Variants in EPHB4 observed in about 807,000 individuals in gnomAD.
EPHB4 encodes EPH receptor B4, also known as ephrin type-B receptor 4.
A neutral mutation model predicts 110.6 loss-of-function variants in EPHB4; 50 were observed. That is an observed-to-expected ratio of 0.45 (90% CI 0.36 to 0.57). EPHB4 has a LOEUF of 0.57. Among genes scored for constraint, EPHB4 ranks in the 20% least tolerant of loss-of-function variants. EPHB4 has a pLI of 0.00. For synonymous variants in EPHB4, 592 were observed against 578.4 expected, an observed-to-expected ratio of 1.02 and a Z score of -0.34; for missense variants, 1,128 against 1,382.1, an observed-to-expected ratio of 0.82 and a Z score of 2.91.
At chr7:100,810,948 T>C (rs996962570) in intron 12 of EPHB4, among the ~76,000 whole-genome samples, 2 of 151,702 alleles carry the variant, frequency 1.3e-5, no homozygotes, top group Non-Finnish European at 2.9e-5. Flanking sequence ...AATGTTTTGA[T>C]TTTTTTAAAA....
At chr7:100,813,609 C>T (rs200154185) in intron 10 of EPHB4, 43 bp downstream of exon 10, 1 of 1,608,308 alleles carries the variant, frequency 6.2e-7, no homozygotes, top group Non-Finnish European at 8.5e-7. Flanking sequence ...AGCCACCACA[C>T]CCGGCCCCAA....
At chr7:100,809,598 C>T (rs1812886648) in intron 12 of EPHB4, among the ~76,000 whole-genome samples, 1 of 152,158 alleles carries the variant, frequency 6.6e-6, no homozygotes, top group Non-Finnish European at 1.5e-5. Flanking sequence ...ACTACAGCCT[C>T]GATCTCCCAG....
intron 1 of EPHB4, chr7:100,824,549 C>T (rs974865450): frequency 5.3e-5 from 23 of 431,708 alleles, no homozygotes; most frequent in East Asian, 8.2e-5. Flanking sequence ...TCAAAATGTA[C>T]GGGGAGAAGG....
At chr7:100,803,647 C>G in intron 16 of EPHB4, 57 bp from the exon 17 acceptor site, 1 of 1,534,794 alleles carries the variant, frequency 6.5e-7, no homozygotes, top group Non-Finnish European at 8.8e-7. Flanking sequence ...CCGCTCTCCT[C>G]TCTTGGCTCC....
chr7:100,804,308 CTTTTT>C (rs11338293), intron 16 of EPHB4, among the ~76,000 whole-genome samples: 18 of 71,614 alleles, frequency 2.5e-4, no homozygotes, highest in Admixed American at 4.3e-4. Context: ...CTTCACATTT[CTTTTT>C]TTTTTTTTTT....
intron 4 of EPHB4, among the ~76,000 whole-genome samples, chr7:100,820,741 G>T (rs996323922): frequency 5.3e-5 from 8 of 152,168 alleles, no homozygotes; most frequent in Non-Finnish European, 8.8e-5. Context: ...GAGGAAAAAA[G>T]TTTGGGCTAC....
intron 4 of EPHB4, 124 bp from the exon 5 acceptor site, chr7:100,820,420 A>C (rs935978266): frequency 8.2e-7 from 1 of 1,220,090 alleles, no homozygotes; most frequent in Non-Finnish European, 1.1e-6. Flanking sequence ...CGCTTGAGCC[A>C]AGGGGTTCAA....
At chr7:100,819,300 A>AGAT (rs66759831) in intron 6 of EPHB4, among the ~76,000 whole-genome samples, 2 of 29,638 alleles carry the variant, frequency 6.7e-5, no homozygotes, top group East Asian at 1.4e-3. Context: ...TTTTGTAGAG[A>AGAT]GATCTTCCTA....
At chr7:100,823,992 G>T in intron 2 of EPHB4, 61 bp from the exon 3 acceptor site, 1 of 1,522,200 alleles carries the variant, frequency 6.6e-7, no homozygotes, top group Non-Finnish European at 8.8e-7. Flanking sequence ...GGCTGCATGG[G>T]GTGAATCCTA....
In EPHB4 at chr7:100,819,896, G is replaced by A. The variant is rs749959219; in HGVS notation, c.965-7C>T. 2 of 1,539,524 alleles carry A rather than the reference G, an allele frequency of 1.3e-6. No homozygotes were observed. Among genetic ancestry groups the A allele is most frequent in the East Asian group, 2.5e-5 (1 of 40,642 alleles). On this transcript the variant is annotated splice_region_variant and splice_polypyrimidine_tract_variant and intron_variant, in intron 5 of 16. Transcript: ENST00000358173. ...CGCGGAGCCGAAGGAGGGGCTGCAG[G>A]AGACCAGGGAGTCAGGCAGAGGCCG... is the stretch of plus-strand genomic sequence containing the variant.
intron 4 of EPHB4, among the ~76,000 whole-genome samples, chr7:100,821,866 C>CT (rs375866126): frequency 1.3e-4 from 20 of 148,682 alleles, no homozygotes; most frequent in South Asian, 2.1e-4. Flanking sequence ...AAAATAAAGT[C>CT]TTTTTTTTTT....
chr7:100,818,505 G>A lies in EPHB4; in HGVS notation c.1422+15C>T. On this transcript the variant is annotated intron_variant, in intron 7 of 16. Transcript: ENST00000358173. Reference sequence around the variant, plus strand: ...CCCATTGCCCACCCACCCCAGGGCTGGGGGATGGCCTTACCTTCTCATGGT... The same window carrying A: ...CCCATTGCCCACCCACCCCAGGGCTAGGGGATGGCCTTACCTTCTCATGGT... The A allele has an allele frequency of 1.2e-6, 2 of 1,613,272 alleles. No individual in the cohort carries two copies. Among genetic ancestry groups the A allele is most frequent in the Non-Finnish European group, 1.7e-6 (2 of 1,179,472 alleles).
At position 100,814,027 on chromosome 7, in the gene EPHB4, G is replaced by A. The variant is rs1813008896; in HGVS notation, c.1589-6C>T. 1.2e-6 allele frequency: 2 copies of A among 1,613,468 alleles called. No individual in the cohort carries two copies. The highest frequency in any genetic ancestry group is 3.3e-5 in the Admixed American group (2 of 59,818). On this transcript the variant is annotated splice_polypyrimidine_tract_variant and splice_region_variant and intron_variant, in intron 8 of 16. Coordinates refer to ENST00000358173, the MANE Select transcript of EPHB4 (RefSeq NM_004444.5). ...CTCCCGCCAGCCCTCGCTCTCTGCG[G>A]AAGGAAAGGCTGCTGATCAGGAGAA...
At chr7:100,821,446 G>A (rs374079840) in intron 4 of EPHB4, among the ~76,000 whole-genome samples, 14 of 150,932 alleles carry the variant, frequency 9.3e-5, no homozygotes, top group East Asian at 8.4e-4. Context: ...TGGCTAACAC[G>A]GTGAAACTCC....
Position 100,812,914 on chromosome 7 carries a change from C to T in EPHB4, c.1951G>A (p.Gly651Ser). The change falls in exon 12 of 17, where the codon GGT (glycine) becomes AGT (serine). Residue 651 changes from glycine (G) to serine (S), a missense_variant. By Grantham distance (56) the Gly-to-Ser change is moderately conservative. Coordinates refer to ENST00000358173, the MANE Select transcript of EPHB4 (RefSeq NM_004444.5). ...ESCVAIKTLK[G>S]GYTERQRREF... is the part of the protein sequence containing the mutation. ...CGCCGCTGCCGCTCCGTGTAGCCAC[C>T]CTTCAGGGTCTTGATTGCCACACAG... The T allele has an allele frequency of 6.2e-7, 1 of 1,614,220 alleles. No individual in the cohort carries two copies. The highest frequency in any genetic ancestry group is 1.1e-5 in the South Asian group (1 of 91,086).
Position 100,807,578 on chromosome 7 carries a change from T to C in EPHB4, c.2121A>G (p.Leu707=). The change falls in exon 13 of 17, where the codon CTA becomes CTG. Residue 707 remains leucine (L), a splice_region_variant and synonymous_variant. Transcript: ENST00000358173. ...GGATGACTGTGAACTGTCCGTCGTT[T>C]AGCTGGAGAGCAGATAGGGTGGGGG... ...ENGALDSFLR[L]NDGQFTVIQL... 1 of 1,612,484 alleles carries C rather than the reference T, an allele frequency of 6.2e-7. No individual in the cohort carries two copies. The highest frequency in any genetic ancestry group is 1.7e-5 in the Admixed American group (1 of 59,956).
rs1812802951 is a variant in EPHB4, at chr7:100,805,623, G to A, written c.2556C>T (p.Leu852=). 2.6e-6 allele frequency: 4 copies of A among 1,559,814 alleles called. No homozygotes were observed. The highest frequency in any genetic ancestry group is 2.6e-6 in the Non-Finnish European group (3 of 1,154,732). ...GGTCTTTCTGCCAACAGTCCAGCAT[G>A]AGCTGGTGGAGGGAGGTGGGACAGT... ...PPDCPTSLHQ[L]MLDCWQKDRN... Residue 852 remains leucine (L), a synonymous_variant, in exon 15 of 17, where the codon CTC becomes CTT. Coordinates refer to ENST00000358173, the MANE Select transcript of EPHB4 (RefSeq NM_004444.5).
intron 1 of EPHB4, chr7:100,826,737 C>G: frequency 4.6e-6 from 2 of 431,756 alleles, no homozygotes; most frequent in Non-Finnish European, 8.4e-6. Context: ...GGAGCCCGGG[C>G]AGGGGAATGT....
chr7:100,815,338 A>C (rs1032872475), intron 8 of EPHB4, among the ~76,000 whole-genome samples: 2 of 151,956 alleles, frequency 1.3e-5, no homozygotes, highest in Non-Finnish European at 2.9e-5. Context: ...CAAACAAAAA[A>C]CAAACCACAA....
Sources: gnomAD v4.1 joint callset for allele counts (sites outside exome capture counted in the v4.1 genomes callset) on GRCh38, gnomAD v4.1.1 for gene constraint, MANE v1.5 for transcripts, NCBI Gene and HGNC (gene_info 2026-07-23, HGNC 2026-07-21) for gene names.